CLIC4: variants seen among roughly 807,000 people sequenced by gnomAD.
The protein encoded by CLIC4 is CLIC family member 4, also known as chloride intracellular channel protein 4.
A neutral mutation model predicts 24.6 loss-of-function variants in CLIC4; 13 were observed. That is an observed-to-expected ratio of 0.53 (90% CI 0.34 to 0.84). CLIC4 has a LOEUF of 0.84. Ranked by LOEUF, CLIC4 falls within the 40% of genes least tolerant of loss-of-function variation. CLIC4 has a pLI of 0.01. For synonymous variants in CLIC4, 104 were observed against 111.3 expected, an observed-to-expected ratio of 0.93 and a Z score of 0.41; for missense variants, 227 against 301.7, an observed-to-expected ratio of 0.75 and a Z score of 1.83.
At chr1:24,805,920 GA>G (rs760166901) in intron 2 of CLIC4, among the ~76,000 whole-genome samples, 10 of 151,220 alleles carry the variant, frequency 6.6e-5, no homozygotes, top group African/African-American at 2.4e-4. Flanking sequence ...TCTTCATCTA[GA>G]AAAAAAATGG....
chr1:24,777,340 TCA>T (rs1639153079), intron 1 of CLIC4, among the ~76,000 whole-genome samples: 1 of 152,152 alleles, frequency 6.6e-6, no homozygotes. Flanking sequence ...GGTCAGGAGT[TCA>T]AGACCAGCCT....
At chr1:24,840,170 A>G in intron 5 of CLIC4, 129 bp downstream of exon 5, 4 of 796,624 alleles carry the variant, frequency 5.0e-6, no homozygotes, top group Non-Finnish European at 7.8e-6. Flanking sequence ...CTGTTTAGGC[A>G]ATAGTTGAAG....
chr1:24,765,679 C>T (rs539393147), intron 1 of CLIC4, among the ~76,000 whole-genome samples: 8 of 152,210 alleles, frequency 5.3e-5, no homozygotes, highest in East Asian at 3.9e-4. Context: ...CCGTTGCCTC[C>T]GTATTGCATG....
chr1:24,799,047 A>G (rs1324728330), intron 2 of CLIC4, among the ~76,000 whole-genome samples: 1 of 152,192 alleles, frequency 6.6e-6, no homozygotes, highest in African/African-American at 2.4e-5. Flanking sequence ...CCGAGATTGC[A>G]GCCTCTGCCC....
intron 1 of CLIC4, among the ~76,000 whole-genome samples, chr1:24,751,855 A>G (rs1234765903): frequency 3.9e-5 from 6 of 152,158 alleles, no homozygotes; most frequent in African/African-American, 1.4e-4. Context: ...CAAGAGCAAG[A>G]CTCTGTCTCA....
At chr1:24,788,439 G>A (rs1412673557) in intron 1 of CLIC4, among the ~76,000 whole-genome samples, 1 of 152,098 alleles carries the variant, frequency 6.6e-6, no homozygotes, top group Admixed American at 6.6e-5. Context: ...CATATAAATG[G>A]TATCATATTC....
chr1:24,816,605 C>G (rs1208647740), intron 3 of CLIC4, among the ~76,000 whole-genome samples: 1 of 152,106 alleles, frequency 6.6e-6, no homozygotes, highest in Non-Finnish European at 1.5e-5. Flanking sequence ...TTGCTTTGCT[C>G]AGATCCATCA....
chr1:24,840,249 T>C (rs1639928772), intron 5 of CLIC4, among the ~76,000 whole-genome samples: 1 of 152,218 alleles, frequency 6.6e-6, no homozygotes, highest in Non-Finnish European at 1.5e-5. Context: ...TGAATATTTT[T>C]TTTTCTGTGA....
At chr1:24,810,135 A>G (rs537680275) in intron 2 of CLIC4, among the ~76,000 whole-genome samples, 15 of 152,318 alleles carry the variant, frequency 9.8e-5, no homozygotes, top group African/African-American at 2.9e-4. Flanking sequence ...TCTTCAAACA[A>G]TGTGGACATT....
intron 1 of CLIC4, among the ~76,000 whole-genome samples, chr1:24,791,548 T>A (rs974276618): frequency 2.0e-5 from 3 of 152,102 alleles, no homozygotes; most frequent in Admixed American, 1.3e-4. Flanking sequence ...GAGATCAGCC[T>A]GGCCAACATG....
chr1:24,788,354 ACTC>A (rs1483995362), intron 1 of CLIC4, among the ~76,000 whole-genome samples: 3 of 151,942 alleles, frequency 2.0e-5, no homozygotes, highest in East Asian at 1.9e-4. Flanking sequence ...ATTAGCAGTC[ACTC>A]CTCTTCCCCA....
intron 1 of CLIC4, among the ~76,000 whole-genome samples, chr1:24,774,685 C>G (rs527624265): frequency 6.6e-6 from 1 of 151,834 alleles, no homozygotes; most frequent in Non-Finnish European, 1.5e-5. Flanking sequence ...CAGCTACTTG[C>G]GAGGCTGAGG....
chr1:24,769,556 A>AT (rs975526589), intron 1 of CLIC4, among the ~76,000 whole-genome samples: 1 of 151,980 alleles, frequency 6.6e-6, no homozygotes, highest in Non-Finnish European at 1.5e-5. Context: ...TGTTTATGTT[A>AT]TTTTTCTCTA....
chr1:24,817,452 A>G (rs1639683377), intron 3 of CLIC4, among the ~76,000 whole-genome samples: 1 of 152,134 alleles, frequency 6.6e-6, no homozygotes, highest in African/African-American at 2.4e-5. Flanking sequence ...TCTTCTGTAG[A>G]TTTGTCACCT....
At chr1:24,831,040 TG>T (rs1270379356) in intron 4 of CLIC4, among the ~76,000 whole-genome samples, 1 of 152,236 alleles carries the variant, frequency 6.6e-6, no homozygotes, top group African/African-American at 2.4e-5. Context: ...TACATATAAT[TG>T]TATCAAACTA....
intron 3 of CLIC4, among the ~76,000 whole-genome samples, chr1:24,815,058 T>C (rs1409970798): frequency 6.6e-6 from 1 of 152,074 alleles, no homozygotes; most frequent in Non-Finnish European, 1.5e-5. Flanking sequence ...AGTGATAAAA[T>C]GAATATTGGA....
At chr1:24,819,746 T>C (rs1204482118) in intron 3 of CLIC4, among the ~76,000 whole-genome samples, 1 of 135,600 alleles carries the variant, frequency 7.4e-6, no homozygotes, top group East Asian at 2.2e-4. Flanking sequence ...ACCATAACTT[T>C]TTTTCTTTTT....
chr1:24,763,308 G>A (rs539164422), intron 1 of CLIC4, among the ~76,000 whole-genome samples: 5 of 152,166 alleles, frequency 3.3e-5, no homozygotes, highest in African/African-American at 1.2e-4. Flanking sequence ...GGGAGGCTGT[G>A]GTGGGCAGAT....
At chr1:24,748,796 G>T (rs930088625) in intron 1 of CLIC4, among the ~76,000 whole-genome samples, 2 of 151,996 alleles carry the variant, frequency 1.3e-5, no homozygotes, top group African/African-American at 4.8e-5. Context: ...TCTGTGCTTG[G>T]CCCCTAGACC....
Sources: gnomAD v4.1 joint callset for allele counts (sites outside exome capture counted in the v4.1 genomes callset) on GRCh38, gnomAD v4.1.1 for gene constraint, MANE v1.5 for transcripts, NCBI Gene and HGNC (gene_info 2026-07-23, HGNC 2026-07-21) for gene names.